The following BLNK variants were observed in gnomAD, a reference collection of about 807,000 sequenced individuals.
The protein encoded by BLNK is B-cell linker protein.
A neutral mutation model predicts 73.5 loss-of-function variants in BLNK; 29 were observed. That is an observed-to-expected ratio of 0.39 (90% CI 0.29 to 0.54). The LOEUF (loss-of-function observed/expected upper bound fraction) is 0.54, where lower values mean the gene tolerates loss of function less well. BLNK is among the 20% of genes least tolerant of loss of function. The probability of loss-of-function intolerance (pLI) is 0.61; values close to 1 mark genes in which losing one functional copy is unlikely to be tolerated. For missense variants in BLNK, 460 were observed against 562.8 expected (o/e 0.82, Z 1.85); for synonymous variants, 176 against 200.8 (o/e 0.88, Z 1.04).
chr10:96,242,293 G>A lies in BLNK; in HGVS notation c.163+442C>T, dbSNP rs1453926997. On this transcript the variant is annotated intron_variant, in intron 3 of 16. Transcript: ENST00000224337. ...ATGCCTTTTGCCTTCCACTATGATTGTGAGGTCCCCCCAGCCATGTGGAAC... is the reference window on the plus strand; with the variant it reads ...ATGCCTTTTGCCTTCCACTATGATTATGAGGTCCCCCCAGCCATGTGGAAC... Among the ~76,000 whole-genome samples the A allele has an allele frequency of 2.6e-5, 4 of 152,130 alleles. No individual in the cohort carries two copies. The East Asian group carries it at 5.8e-4, about 22-fold the overall frequency.
rs1279767904 is a variant in BLNK at position 96,192,016 on chromosome 10, G to A, written c.1328C>T (p.Thr443Ile). The change falls in exon 17 of 17, where the codon ACA becomes ATA. Residue 443 changes from threonine to isoleucine, a missense_variant. Thr to Ile is a moderately conservative substitution (Grantham distance 89). Coordinates refer to ENST00000224337, the MANE Select transcript of BLNK (RefSeq NM_013314.4). ...ATACTTCAGTCTGGTGGAATCTTTT[G>A]TGTTATTCTGACTGTCAATAAGAAC... ...PLVLIDSQNN[T>I]KDSTRLKYAV... 17 of 1,613,602 alleles carry A rather than the reference G, an allele frequency of 1.1e-5. No homozygotes were observed. Among genetic ancestry groups the A allele is most frequent in the Non-Finnish European group, 1.3e-5 (15 of 1,179,742 alleles).
chr10:96,270,996 G>A (rs1844245925), intron 1 of BLNK, among the ~76,000 whole-genome samples: 1 of 152,222 alleles, frequency 6.6e-6, no homozygotes, highest in Non-Finnish European at 1.5e-5. Flanking sequence ...ACTCAGTTTA[G>A]AGAAACCCTT....
At chr10:96,214,496 G>A (rs1468079050) in intron 8 of BLNK, among the ~76,000 whole-genome samples, 1 of 152,136 alleles carries the variant, frequency 6.6e-6, no homozygotes, top group Non-Finnish European at 1.5e-5. Flanking sequence ...CAAGGTGGCT[G>A]AGTAAAGAAA....
chr10:96,247,138 G>A (rs181929572), intron 1 of BLNK, 89 bp from the exon 2 acceptor site: 13 of 893,112 alleles, frequency 1.5e-5, no homozygotes, highest in East Asian at 2.5e-5. Context: ...ACAAAAAAGG[G>A]GAAAAAACTC....
At chr10:96,216,104 A>ATACC (rs2084058690) in intron 7 of BLNK, 1 of 175,674 alleles carries the variant, frequency 5.7e-6, no homozygotes, top group South Asian at 1.3e-4. Context: ...CAGAGTAAAC[A>ATACC]TACCCTGTTT....
intron 4 of BLNK, among the ~76,000 whole-genome samples, chr10:96,228,454 A>AC (rs1282755971): frequency 6.6e-6 from 1 of 152,096 alleles, no homozygotes; most frequent in African/African-American, 2.4e-5. Context: ...CTGGGGTTTC[A>AC]CCATGTTGGC....
At chr10:96,232,219 G>A (rs1842526127) in intron 3 of BLNK, among the ~76,000 whole-genome samples, 1 of 152,172 alleles carries the variant, frequency 6.6e-6, no homozygotes, top group Admixed American at 6.5e-5. Flanking sequence ...CTGCCCCGCT[G>A]AGCAGCCACT....
chr10:96,239,822 G>A (rs1299059611), intron 3 of BLNK, among the ~76,000 whole-genome samples: 1 of 152,134 alleles, frequency 6.6e-6, no homozygotes, highest in African/African-American at 2.4e-5. Flanking sequence ...GAGGGCCTGG[G>A]TGGGTGGATC....
chr10:96,215,419 AT>A, intron 7 of BLNK, 30 bp from the exon 8 acceptor site: 1 of 1,544,384 alleles, frequency 6.5e-7, no homozygotes, highest in Non-Finnish European at 8.9e-7. Flanking sequence ...GTGTATATAT[AT>A]ATATATATAT....
At chr10:96,203,472 G>C (rs1189691709) in intron 13 of BLNK, 2 of 152,160 alleles carry the variant, frequency 1.3e-5, no homozygotes, top group East Asian at 3.8e-4. Context: ...ATGTAAAGCA[G>C]AGTTTTTTTC....
In BLNK at chr10:96,207,874, T is replaced by A. The variant is rs1366079922; in HGVS notation, c.772A>T (p.Thr258Ser). Residue 258 changes from threonine to serine, a missense_variant and splice_region_variant, in exon 10 of 17, where the codon ACA becomes TCA. Transcript: ENST00000224337. ...AGKKPTTPLK[T>S]TPVASQQNAS... Reference sequence around the variant, plus strand: ...TTTTAAATGCAAAATTAACTTACTGTCTTCAGTGGTGTCGTTGGTTTTTTC... The same window carrying A: ...TTTTAAATGCAAAATTAACTTACTGACTTCAGTGGTGTCGTTGGTTTTTTC... 15 of 1,614,000 alleles carry A rather than the reference T, an allele frequency of 9.3e-6. No homozygotes were observed. Among genetic ancestry groups the A allele is most frequent in the Non-Finnish European group, 1.2e-5 (14 of 1,179,980 alleles).
At chr10:96,215,186 GC>G (rs2084035720) in intron 8 of BLNK, 134 bp downstream of exon 8, 2 of 959,968 alleles carry the variant, frequency 2.1e-6, no homozygotes, top group Admixed American at 1.9e-5. Flanking sequence ...ACCAGACAGT[GC>G]ATGAGGATGA....
intron 6 of BLNK, among the ~76,000 whole-genome samples, chr10:96,220,947 C>T (rs1042828224): frequency 6.6e-5 from 10 of 152,230 alleles, no homozygotes; most frequent in Middle Eastern, 3.2e-3. Flanking sequence ...CCCATCGGCT[C>T]ATACCCTATT....
intron 2 of BLNK, among the ~76,000 whole-genome samples, chr10:96,243,198 A>G (rs1038650644): frequency 3.9e-5 from 6 of 152,220 alleles, no homozygotes; most frequent in Admixed American, 2.6e-4. Context: ...AAAATCAGCT[A>G]CAATAAGCGT....
chr10:96,225,372 A>G (rs984180730), intron 5 of BLNK, among the ~76,000 whole-genome samples: 1 of 151,984 alleles, frequency 6.6e-6, no homozygotes, highest in Non-Finnish European at 1.5e-5. Context: ...CCTCGCCTCT[A>G]TGCTCCTGGT....
intron 8 of BLNK, among the ~76,000 whole-genome samples, chr10:96,213,425 T>A (rs1286264320): frequency 6.6e-6 from 1 of 152,200 alleles, no homozygotes; most frequent in Admixed American, 6.5e-5. Context: ...GGGAAGAGAC[T>A]TCCTGCAAAG....
chr10:96,265,847 G>A (rs1158386519), intron 1 of BLNK, among the ~76,000 whole-genome samples: 9 of 152,182 alleles, frequency 5.9e-5, no homozygotes, highest in African/African-American at 2.2e-4. Flanking sequence ...TGTGGAGACT[G>A]CCCTGTACAA....
chr10:96,242,413 C>T (rs10882760), intron 3 of BLNK, among the ~76,000 whole-genome samples: 84,931 of 152,170 alleles, frequency 0.56, 26,684 homozygotes, highest in South Asian at 0.72. Context: ...AATAATCTAT[C>T]TTCCCTTCTG....
At chr10:96,224,572 A>C (rs1249645825) in intron 5 of BLNK, among the ~76,000 whole-genome samples, 1 of 152,202 alleles carries the variant, frequency 6.6e-6, no homozygotes, top group African/African-American at 2.4e-5. Flanking sequence ...TCAGAAAAGG[A>C]GTCAGGCTCT....
Sources: allele counts gnomAD v4.1 joint callset (sites outside exome capture counted in the v4.1 genomes callset), GRCh38; gene constraint gnomAD v4.1.1; transcripts MANE v1.5; gene names NCBI Gene and HGNC (gene_info 2026-07-23, HGNC 2026-07-21).